The following STRBP variants were observed in gnomAD, a reference collection of about 807,000 sequenced individuals.
STRBP encodes spermatid perinuclear RNA binding protein.
Under a neutral mutation model 80.1 loss-of-function variants are expected in STRBP, and 13 were observed. The ratio of observed to expected loss-of-function variants is 0.16; its 90% confidence interval spans 0.11 to 0.26. STRBP has a LOEUF of 0.26. Ranked by LOEUF, STRBP falls within the 10% of genes least tolerant of loss-of-function variation. The probability of loss-of-function intolerance (pLI) is 1.00; values close to 1 mark genes in which losing one functional copy is unlikely to be tolerated. For missense variants in STRBP, 485 were observed against 815.2 expected, an observed-to-expected ratio of 0.59 and a Z score of 4.93; for synonymous variants, 284 against 291.2, an observed-to-expected ratio of 0.98 and a Z score of 0.25.
At chr9:123,225,796 C>T (rs1305167327) in intron 2 of STRBP, among the ~76,000 whole-genome samples, 1 of 152,206 alleles carries the variant, frequency 6.6e-6, no homozygotes, top group Non-Finnish European at 1.5e-5. Context: ...TCATAAGTTC[C>T]TTTCCCAGAC....
At chr9:123,246,365 G>A (rs578204922) in intron 1 of STRBP, among the ~76,000 whole-genome samples, 40 of 152,246 alleles carry the variant, frequency 2.6e-4, no homozygotes, top group African/African-American at 9.4e-4. Flanking sequence ...CAACACATCC[G>A]GGCAGCAGTG....
chr9:123,261,072 G>A (rs984609912), intron 1 of STRBP, among the ~76,000 whole-genome samples: 4 of 152,162 alleles, frequency 2.6e-5, no homozygotes, highest in Admixed American at 6.5e-5. Context: ...AATAGGATCA[G>A]ATCTCATAGC....
chr9:123,138,503 C>T (rs546331039), intron 14 of STRBP, among the ~76,000 whole-genome samples: 22 of 152,332 alleles, frequency 1.4e-4, no homozygotes, highest in African/African-American at 5.3e-4. Context: ...CCTCCTCGTC[C>T]TTCAGTCCAG....
At chr9:123,264,500 A>G (rs1030302655) in intron 1 of STRBP, among the ~76,000 whole-genome samples, 3 of 152,244 alleles carry the variant, frequency 2.0e-5, no homozygotes, top group Admixed American at 6.5e-5. Flanking sequence ...ACCACAGGGG[A>G]GAAAAAAGAA....
At chr9:123,150,580 T>C (rs2037012883) in intron 11 of STRBP, among the ~76,000 whole-genome samples, 1 of 152,034 alleles carries the variant, frequency 6.6e-6, no homozygotes, top group Non-Finnish European at 1.5e-5. Flanking sequence ...CGTGTTTTCT[T>C]AAATAAATAA....
intron 3 of STRBP, chr9:123,113,110 TA>T (rs1482053715): frequency 6.0e-6 from 1 of 167,164 alleles, no homozygotes; most frequent in Non-Finnish European, 1.5e-5. Context: ...TTCCCCACTC[TA>T]ATACCAAAAG....
chr9:123,181,800 CAAAAAAAAAAAAAAAAAAAAAA>C (rs56785428), intron 3 of STRBP, among the ~76,000 whole-genome samples: 6 of 25,782 alleles, frequency 2.3e-4, no homozygotes, highest in Non-Finnish European at 3.7e-4. Context: ...AACTTCGTCT[CAAAAAAAAAAAAAAAAAAAAAA>C]AAAAAAAAAA....
chr9:123,147,154 T>A (rs1018200416), intron 12 of STRBP, 100 bp from the exon 13 acceptor site: 6 of 926,286 alleles, frequency 6.5e-6, no homozygotes, highest in Non-Finnish European at 9.6e-6. Context: ...TCACCAAAAT[T>A]TTTTTAAATG....
At chr9:123,218,783 A>G (rs888559924) in intron 2 of STRBP, among the ~76,000 whole-genome samples, 11 of 152,208 alleles carry the variant, frequency 7.2e-5, no homozygotes, top group Non-Finnish European at 2.9e-5. Context: ...ATGATTAACC[A>G]TGTGCCAGGC....
chr9:123,195,215 T>C (rs780495667), intron 2 of STRBP, among the ~76,000 whole-genome samples: 5 of 152,178 alleles, frequency 3.3e-5, no homozygotes, highest in Non-Finnish European at 7.4e-5. Context: ...TCCCTTTAAT[T>C]GTTCATGCCA....
chr9:123,233,104 G>A (rs2040443542), intron 2 of STRBP, among the ~76,000 whole-genome samples: 1 of 152,042 alleles, frequency 6.6e-6, no homozygotes, highest in African/African-American at 2.4e-5. Context: ...ACAGGGTCTT[G>A]CTTTGTCATC....
intron 6 of STRBP, among the ~76,000 whole-genome samples, chr9:123,162,432 G>A (rs934223088): frequency 6.6e-6 from 1 of 151,870 alleles, no homozygotes; most frequent in African/African-American, 2.4e-5. Context: ...TACCCAGGCT[G>A]GTCTCAAACT....
rs764439003 is a variant in STRBP, at chr9:123,147,059, TAAAG to T, written c.1139-9_1139-6del. ...CTATTGCTTTACTATCCAGAACTGT[TAAAG>T]AAAGAGGAATGAGGTCAGAAATTAA... On this transcript the variant is annotated splice_polypyrimidine_tract_variant and splice_region_variant and intron_variant, in intron 12 of 18. Coordinates refer to ENST00000348403, the MANE Select transcript of STRBP (RefSeq NM_018387.5). The T allele has an allele frequency of 2.5e-6, 4 of 1,608,712 alleles. No individual in the cohort carries two copies. Among genetic ancestry groups the T allele is most frequent in the Non-Finnish European group, 3.4e-6 (4 of 1,176,336 alleles).
chr9:123,161,710 T>G (rs1029785803), intron 6 of STRBP, among the ~76,000 whole-genome samples: 1 of 152,230 alleles, frequency 6.6e-6, no homozygotes. Flanking sequence ...GTGAACTACA[T>G]TTCAAGTTTT....
intron 11 of STRBP, among the ~76,000 whole-genome samples, chr9:123,151,015 T>C (rs1403756059): frequency 6.6e-6 from 1 of 152,158 alleles, no homozygotes; most frequent in Non-Finnish European, 1.5e-5. Context: ...ACACTTTAAA[T>C]TATCTACAAT....
At chr9:123,173,058 G>A (rs537303444) in intron 5 of STRBP, among the ~76,000 whole-genome samples, 2 of 152,262 alleles carry the variant, frequency 1.3e-5, no homozygotes, top group South Asian at 4.1e-4. Context: ...GGCTGGCAGG[G>A]CAGGTCCTAG....
At chr9:123,226,002 T>C (rs1241779938) in intron 2 of STRBP, among the ~76,000 whole-genome samples, 1 of 152,232 alleles carries the variant, frequency 6.6e-6, no homozygotes, top group Non-Finnish European at 1.5e-5. Flanking sequence ...TTACTCATAA[T>C]GGCCAAAAAC....
intron 4 of STRBP, among the ~76,000 whole-genome samples, chr9:123,175,805 C>T (rs563987911): frequency 6.6e-6 from 1 of 152,286 alleles, no homozygotes; most frequent in African/African-American, 2.4e-5. Context: ...CCTTTCTGAC[C>T]TCTGTCATCT....
chr9:123,149,362 A>C (rs959130660), intron 11 of STRBP, among the ~76,000 whole-genome samples: 1 of 152,248 alleles, frequency 6.6e-6, no homozygotes, highest in African/African-American at 2.4e-5. Context: ...CCCAGAATGC[A>C]GTCTTTAAGA....
Sources: gnomAD v4.1 joint callset for allele counts (sites outside exome capture counted in the v4.1 genomes callset) on GRCh38, gnomAD v4.1.1 for gene constraint, MANE v1.5 for transcripts, NCBI Gene and HGNC (gene_info 2026-07-23, HGNC 2026-07-21) for gene names.